CECR2: variants seen among roughly 807,000 people sequenced by gnomAD.
The protein encoded by CECR2 is chromatin remodeling regulator CECR2.
In CECR2, 30 loss-of-function variants were observed where a neutral mutation model predicts 154.5. The ratio of observed to expected loss-of-function variants is 0.19; its 90% CI spans 0.15 to 0.26. The LOEUF is 0.26. Ranked by LOEUF, CECR2 falls within the 10% of genes least tolerant of loss-of-function variation. The probability of loss-of-function intolerance (pLI) is 1.00; values close to 1 mark genes in which losing one functional copy is unlikely to be tolerated. For synonymous variants in CECR2, 725 were observed against 683.7 expected (o/e 1.06, Z -0.94); for missense variants, 1,743 against 1,829.3 (o/e 0.95, Z 0.86).
chr22:17,544,607 T>A (rs2056581785), intron 16 of CECR2, among the ~76,000 whole-genome samples: 1 of 150,886 alleles, frequency 6.6e-6, no homozygotes, highest in South Asian at 2.1e-4. Flanking sequence ...GGTCAGGAGT[T>A]CAAGACCAGC....
chr22:17,549,083 G>T lies in CECR2; in HGVS notation c.3796G>T (p.Ala1266Ser), dbSNP rs780984393. 6.2e-7 allele frequency: 1 copy of T among 1,614,020 alleles called. No homozygotes were observed. The highest frequency in any genetic ancestry group is 8.5e-7 in the Non-Finnish European group (1 of 1,179,898). ...LTSPTRMDAV[A>S]AKVPNDGQNP... ...TTCTCCAACCCGTATGGATGCAGTG[G>T]CTGCTAAAGTCCCAAATGACGGGCA... The change falls in exon 17 of 19, where the codon GCT (alanine) becomes TCT (serine). Residue 1266 changes from alanine to serine, a missense_variant. By Grantham distance (99) the Ala-to-Ser change is moderately conservative. Around this residue, in one of 4 missense-constraint regions of CECR2, gnomAD observed 1,250 missense variants for 1,192.1 expected, o/e 1.05. Coordinates refer to ENST00000262608, the MANE Select transcript of CECR2 (RefSeq NM_001290047.2).
intron 9 of CECR2, among the ~76,000 whole-genome samples, chr22:17,528,336 C>T (rs749079098): frequency 6.6e-6 from 1 of 152,004 alleles, no homozygotes; most frequent in African/African-American, 2.4e-5. Context: ...TTCTCACTTA[C>T]TTGTGGGATC....
intron 8 of CECR2, among the ~76,000 whole-genome samples, chr22:17,517,543 C>T (rs528411690): frequency 5.6e-4 from 86 of 152,354 alleles, no homozygotes; most frequent in African/African-American, 2.0e-3. Flanking sequence ...ATGAATCCCA[C>T]TTAATACAAA....
intron 1 of CECR2, among the ~76,000 whole-genome samples, chr22:17,394,079 G>T (rs2053770606): frequency 6.6e-6 from 1 of 150,996 alleles, no homozygotes; most frequent in South Asian, 2.1e-4. Context: ...CAGAGACAGG[G>T]TTTCACCATG....
chr22:17,423,571 T>G (rs1388915736), intron 1 of CECR2, among the ~76,000 whole-genome samples: 1 of 151,294 alleles, frequency 6.6e-6, no homozygotes, highest in Non-Finnish European at 1.5e-5. Context: ...CTTTCCAGAG[T>G]GGTCTCCTGC....
rs1199018132 is a variant in CECR2 at position 17,477,568 on chromosome 22, T to C, written c.127-20T>C. ...GAAATCTCTGTTTGATTTCTCAACT[T>C]CCCTCTCTCCCTCCCTCAGGAGTTA... On this transcript the variant is annotated intron_variant, in intron 1 of 18. Coordinates refer to ENST00000262608, the MANE Select transcript of CECR2 (RefSeq NM_001290047.2). 4 of 1,530,138 alleles carry C rather than the reference T, an allele frequency of 2.6e-6. No homozygotes were observed. The South Asian group carries it at 3.4e-5, about 13-fold the overall frequency. The allele number at this position is 1,530,138 out of a possible 1,614,324, so 94.8% of individuals were successfully genotyped here.
At chr22:17,472,985 G>A (rs1383156552) in intron 1 of CECR2, among the ~76,000 whole-genome samples, 2 of 152,256 alleles carry the variant, frequency 1.3e-5, no homozygotes, top group South Asian at 2.1e-4. Flanking sequence ...GCTGTGAGAG[G>A]TTGGGGCTAG....
upstream of CECR2, among the ~76,000 whole-genome samples, chr22:17,365,774 G>C (rs1228535783): frequency 6.6e-6 from 1 of 151,932 alleles, no homozygotes; most frequent in Non-Finnish European, 1.5e-5. Flanking sequence ...GGGAGGCTGA[G>C]GCAGGAGGAT....
chr22:17,404,221 T>C (rs1314201354), intron 1 of CECR2, among the ~76,000 whole-genome samples: 3 of 140,896 alleles, frequency 2.1e-5, no homozygotes, highest in Non-Finnish European at 4.6e-5. Flanking sequence ...ATCGTGCCAC[T>C]GCACTCCGGC....
At chr22:17,530,475 C>T (rs748236129) in intron 9 of CECR2, among the ~76,000 whole-genome samples, 8 of 151,832 alleles carry the variant, frequency 5.3e-5, no homozygotes, top group Admixed American at 3.3e-4. Context: ...AGATTGACAC[C>T]ATCCTGGCCA....
intron 8 of CECR2, among the ~76,000 whole-genome samples, chr22:17,518,293 G>A (rs1451825530): frequency 2.0e-5 from 3 of 152,174 alleles, no homozygotes; most frequent in Non-Finnish European, 4.4e-5. Context: ...TGATGTCCCC[G>A]TGCTTGACAT....
chr22:17,416,575 G>T (rs148670413), intron 1 of CECR2, among the ~76,000 whole-genome samples: 77 of 152,242 alleles, frequency 5.1e-4, no homozygotes, highest in Non-Finnish European at 1.5e-5. Context: ...GCCCAGACTG[G>T]AGTACAGTGG....
intron 1 of CECR2, among the ~76,000 whole-genome samples, chr22:17,438,740 A>G (rs1434176025): frequency 1.3e-5 from 2 of 152,138 alleles, no homozygotes; most frequent in African/African-American, 4.8e-5. Context: ...AGATTGAACA[A>G]CCCTGTCATA....
intron 17 of CECR2, among the ~76,000 whole-genome samples, chr22:17,550,681 A>G (rs986477922): frequency 6.6e-6 from 1 of 152,178 alleles, no homozygotes; most frequent in Non-Finnish European, 1.5e-5. Context: ...GGTGGCTCAC[A>G]CCTGTAATCC....
At chr22:17,437,538 T>C in intron 1 of CECR2, among the ~76,000 whole-genome samples, 1 of 152,168 alleles carries the variant, frequency 6.6e-6, no homozygotes, top group Non-Finnish European at 1.5e-5. Flanking sequence ...TCATATGATA[T>C]TTCTTTTTCA....
chr22:17,435,711 CAGG>C (rs1333388153), intron 1 of CECR2, among the ~76,000 whole-genome samples: 3 of 79,416 alleles, frequency 3.8e-5, no homozygotes, highest in Non-Finnish European at 5.0e-5. Flanking sequence ...AAAAAAAAAA[CAGG>C]AGCAGGACCA....
intron 1 of CECR2, among the ~76,000 whole-genome samples, chr22:17,405,015 A>C (rs2053960083): frequency 6.6e-6 from 1 of 152,168 alleles, no homozygotes; most frequent in Non-Finnish European, 1.5e-5. Context: ...GATTTCTGAC[A>C]GAAAAGTTTT....
chr22:17,398,834 T>A (rs2053851045), intron 1 of CECR2, among the ~76,000 whole-genome samples: 1 of 152,222 alleles, frequency 6.6e-6, no homozygotes, highest in South Asian at 2.1e-4. Context: ...GTAGTTACAT[T>A]ACAAAACAAT....
chr22:17,524,383 ATTTCTTTTTTT>A, intron 9 of CECR2, 112 bp downstream of exon 9: 2 of 666,364 alleles, frequency 3.0e-6, no homozygotes, highest in African/African-American at 5.2e-5. Context: ...GTTTCCGGCA[ATTTCTTTTTTT>A]TTTTTTTTTT....
Sources: allele counts gnomAD v4.1 joint callset (sites outside exome capture counted in the v4.1 genomes callset), GRCh38; gene constraint gnomAD v4.1.1; regional missense constraint gnomAD v4.1.1; transcripts MANE v1.5; gene names NCBI Gene and HGNC (gene_info 2026-07-23, HGNC 2026-07-21).